The following SAMD12 variants were observed in gnomAD, a reference collection of about 807,000 sequenced individuals.
SAMD12 encodes sterile alpha motif domain-containing protein 12.
Under a neutral mutation model 15.0 loss-of-function variants are expected in SAMD12, and 9 were observed. The observed-to-expected ratio is 0.60, with a 90% CI of 0.36 to 1.05. The LOEUF is 1.05. Ranked by LOEUF, SAMD12 falls within the 50% of genes least tolerant of loss-of-function variation. The pLI, the probability that SAMD12 is intolerant of heterozygous loss-of-function variation, is 0.01. For synonymous variants in SAMD12, 86 were observed against 90.1 expected (o/e 0.96, Z 0.25); for missense variants, 230 against 234.2 (o/e 0.98, Z 0.12).
At chr8:118,277,446 G>A (rs768636510) in intron 4 of SAMD12, among the ~76,000 whole-genome samples, 1 of 152,076 alleles carries the variant, frequency 6.6e-6, no homozygotes, top group African/African-American at 2.4e-5. Flanking sequence ...TAAACGTCTT[G>A]TTATTCATCT....
intron 2 of SAMD12, among the ~76,000 whole-genome samples, chr8:118,473,405 A>G (rs2514999): frequency 0.82 from 124,307 of 152,190 alleles, 51,171 homozygotes; most frequent in African/African-American, 0.92. Flanking sequence ...CACTCCTTCT[A>G]GACTTAAAAA....
At chr8:118,275,051 G>T (rs181660734) in intron 4 of SAMD12, among the ~76,000 whole-genome samples, 22 of 152,050 alleles carry the variant, frequency 1.4e-4, no homozygotes, top group African/African-American at 5.1e-4. Flanking sequence ...ATTTTGAAGG[G>T]GCTTTTAAAA....
chr8:118,161,063 G>A, the SAMD12 span, among the ~76,000 whole-genome samples: 2 of 151,986 alleles, frequency 1.3e-5, no homozygotes, highest in African/African-American at 2.4e-5. Context: ...TTGTCCTTGC[G>A]ATAGTTTGCT....
the SAMD12 span, among the ~76,000 whole-genome samples, chr8:118,155,555 T>A: frequency 6.6e-6 from 1 of 152,202 alleles, no homozygotes; most frequent in Non-Finnish European, 1.5e-5. Flanking sequence ...ACCAGAAAGA[T>A]GCCCACTGAT....
chr8:118,326,407 C>G (rs571474211), intron 4 of SAMD12, among the ~76,000 whole-genome samples: 1 of 152,180 alleles, frequency 6.6e-6, no homozygotes, highest in Non-Finnish European at 1.5e-5. Flanking sequence ...ATTTTTACAC[C>G]CAAAGTATAT....
intron 2 of SAMD12, among the ~76,000 whole-genome samples, chr8:118,548,981 G>T (rs879726661): frequency 1.2e-4 from 19 of 152,168 alleles, no homozygotes; most frequent in Non-Finnish European, 2.5e-4. Flanking sequence ...GGGGAGGGGC[G>T]CCCGCCATTG....
At chr8:118,138,178 G>A in the SAMD12 span, among the ~76,000 whole-genome samples, 13 of 147,700 alleles carry the variant, frequency 8.8e-5, no homozygotes, top group South Asian at 2.6e-3. Flanking sequence ...GTCTTAGAAT[G>A]TGTATCCTGA....
intron 4 of SAMD12, among the ~76,000 whole-genome samples, chr8:118,246,006 C>T (rs566851901): frequency 2.8e-4 from 43 of 152,222 alleles, no homozygotes; most frequent in African/African-American, 9.6e-4. Context: ...GAGAGGGAAG[C>T]GTGGATATAG....
intron 4 of SAMD12, among the ~76,000 whole-genome samples, chr8:118,305,925 C>T (rs73320273): frequency 0.06 from 9,135 of 152,154 alleles, 820 homozygotes; most frequent in African/African-American, 0.19. Context: ...TATCACTTTG[C>T]TTCTGGTGGC....
At chr8:118,546,400 C>A (rs1208506374) in intron 2 of SAMD12, among the ~76,000 whole-genome samples, 1 of 152,116 alleles carries the variant, frequency 6.6e-6, no homozygotes, top group East Asian at 1.9e-4. Context: ...CCCACCCGAG[C>A]TTTGTCCATA....
intron 4 of SAMD12, among the ~76,000 whole-genome samples, chr8:118,285,656 T>C (rs1178190484): frequency 1.3e-5 from 2 of 152,230 alleles, no homozygotes; most frequent in Non-Finnish European, 2.9e-5. Flanking sequence ...TCAGTTTCAA[T>C]ACCAGATCTG....
chr8:118,343,169 C>G (rs1817458239), intron 4 of SAMD12, among the ~76,000 whole-genome samples: 1 of 152,028 alleles, frequency 6.6e-6, no homozygotes, highest in Non-Finnish European at 1.5e-5. Flanking sequence ...GTCCTGCTCA[C>G]CCCGTGCACC....
chr8:118,366,832 A>AAAAT (rs1818802384), intron 4 of SAMD12, among the ~76,000 whole-genome samples: 1 of 101,720 alleles, frequency 9.8e-6, no homozygotes, highest in Admixed American at 1.1e-4. Context: ...AAAATAAAAT[A>AAAAT]AAATAAAATA....
chr8:118,145,056 G>A, the SAMD12 span, among the ~76,000 whole-genome samples: 2 of 152,186 alleles, frequency 1.3e-5, no homozygotes, highest in Non-Finnish European at 2.9e-5. Flanking sequence ...GATTTTGAAA[G>A]GCTTTTAATG....
chr8:118,488,707 T>C (rs867662479), intron 2 of SAMD12, among the ~76,000 whole-genome samples: 1 of 152,198 alleles, frequency 6.6e-6, no homozygotes, highest in Non-Finnish European at 1.5e-5. Context: ...TCATTCTTAC[T>C]GTGCAGAGAC....
intron 3 of SAMD12, among the ~76,000 whole-genome samples, chr8:118,439,427 T>C (rs1488749293): frequency 1.3e-5 from 2 of 152,144 alleles, no homozygotes; most frequent in South Asian, 2.1e-4. Context: ...GAAGTCAATA[T>C]ACTTTATCTT....
chr8:118,172,641 G>A, the SAMD12 span, among the ~76,000 whole-genome samples: 2 of 152,170 alleles, frequency 1.3e-5, no homozygotes, highest in African/African-American at 4.8e-5. Context: ...CATATTTAAT[G>A]TATACAACTT....
At chr8:118,345,257 T>C (rs1301052532) in intron 4 of SAMD12, among the ~76,000 whole-genome samples, 4 of 152,206 alleles carry the variant, frequency 2.6e-5, no homozygotes, top group Non-Finnish European at 5.9e-5. Flanking sequence ...TAGCAATAGA[T>C]TATACCACAT....
chr8:118,188,919 T>C (rs1290901398), downstream of SAMD12, among the ~76,000 whole-genome samples: 1 of 152,166 alleles, frequency 6.6e-6, no homozygotes. Flanking sequence ...CTTGGGCAGA[T>C]GTTATTTGAA....
Sources: allele counts gnomAD v4.1 joint callset (sites outside exome capture counted in the v4.1 genomes callset), GRCh38; gene constraint gnomAD v4.1.1; transcripts MANE v1.5; gene names NCBI Gene and HGNC (gene_info 2026-07-23, HGNC 2026-07-21).